Variants in TKT observed in about 807,000 individuals in gnomAD.
TKT encodes the protein epididymis luminal protein 107.
Under a neutral mutation model 63.9 loss-of-function variants are expected in TKT, and 47 were observed. The ratio of observed to expected loss-of-function variants is 0.74; its 90% CI spans 0.58 to 0.94. The LOEUF (loss-of-function observed/expected upper bound fraction) is 0.94, where lower values mean the gene tolerates loss of function less well. TKT is among the 40% of genes least tolerant of loss of function. The pLI, the probability that TKT is intolerant of heterozygous loss-of-function variation, is 0.00. For missense variants in TKT, 721 were observed against 846.2 expected (o/e 0.85, Z 1.84); for synonymous variants, 338 against 334.1 (o/e 1.01, Z -0.13).
intron 2 of TKT, 94 bp from the exon 3 acceptor site, chr3:53,241,339 G>T: frequency 9.5e-7 from 1 of 1,053,150 alleles, no homozygotes; most frequent in Non-Finnish European, 1.3e-6. Flanking sequence ...GCCCGGCCGA[G>T]CCGGCCAACT....
Position 53,242,199 on chromosome 3 carries a change from G to A in TKT, c.151C>T (p.Leu51Phe). Residue 51 changes from leucine to phenylalanine, a missense_variant, in exon 2 of 14, where the codon CTC becomes TTC. Physicochemically the swap from Leu to Phe is conservative, Grantham distance 22 (BLOSUM62 0). Coordinates refer to ENST00000462138, the MANE Select transcript of TKT (RefSeq NM_001064.4). ...CCSAAEIMAV[L>F]FFHTMRYKSQ... ...TTGTAGCGCATGGTGTGGAAAAAGA[G>A]GACAGCCATGATCTCTGCGGCGCTG... is the stretch of plus-strand genomic sequence containing the variant. 6.2e-7 allele frequency: 1 copy of A among 1,614,162 alleles called. No homozygotes were observed. The highest frequency in any genetic ancestry group is 1.1e-5 in the South Asian group (1 of 91,090).
intron 6 of TKT, 120 bp from the exon 7 acceptor site, chr3:53,231,670 C>T (rs1442125538): frequency 1.2e-5 from 13 of 1,101,906 alleles, no homozygotes; most frequent in Admixed American, 2.7e-5. Flanking sequence ...ATGGCATCAT[C>T]CCAGACAGGC....
rs1045360344 is a variant in TKT at position 53,229,355 on chromosome 3, A to G, written c.1189T>C (p.Phe397Leu). The G allele has an allele frequency of 6.2e-7, 1 of 1,613,846 alleles. No individual in the cohort carries two copies. The stretch of plus-strand genomic sequence containing the variant: ...ATGGCGGCCATGCGAATCTGGTCAA[A>G]GGCCCGCGTGAAGAAGGCTGCAAAA... The part of the protein sequence containing the change: ...STFAAFFTRA[F>L]DQIRMAAISE... Residue 397 changes from phenylalanine (F) to leucine (L), a missense_variant, in exon 9 of 14, where the codon TTT (phenylalanine) becomes CTT (leucine). Physicochemically the swap from Phe to Leu is conservative, Grantham distance 22. Coordinates refer to ENST00000462138, the MANE Select transcript of TKT (RefSeq NM_001064.4).
intron 8 of TKT, among the ~76,000 whole-genome samples, 172 bp from the exon 9 acceptor site, chr3:53,229,608 C>A (rs1186322932): frequency 6.6e-6 from 1 of 152,142 alleles, no homozygotes; most frequent in Middle Eastern, 3.2e-3. Flanking sequence ...CCTCCCAACC[C>A]CTCCCTGGGG....
intron 1 of TKT, among the ~76,000 whole-genome samples, chr3:53,247,739 C>T (rs1705581329): frequency 6.6e-6 from 1 of 152,020 alleles, no homozygotes; most frequent in Non-Finnish European, 1.5e-5. Context: ...CTGAACTACC[C>T]GAGCTGGCTT....
chr3:53,241,993 G>A (rs2106705310), intron 2 of TKT, 132 bp downstream of exon 2: 2 of 794,804 alleles, frequency 2.5e-6, no homozygotes, highest in Non-Finnish European at 4.3e-6. Flanking sequence ...GAGAGGCCAG[G>A]ACGAGCAGGG....
chr3:53,235,481 T>G (rs2106686366), intron 4 of TKT: 1 of 231,476 alleles, frequency 4.3e-6, no homozygotes, highest in South Asian at 1.2e-4. Context: ...AAATGGGGGT[T>G]GTTGGAATGA....
chr3:53,230,238 C>T (rs1180386425), intron 8 of TKT, among the ~76,000 whole-genome samples: 1 of 152,252 alleles, frequency 6.6e-6, no homozygotes, highest in African/African-American at 2.4e-5. Flanking sequence ...ATTCGGCTCC[C>T]CCATGTGCAC....
intron 12 of TKT, chr3:53,227,448 C>T (rs1704548397): frequency 6.3e-6 from 1 of 159,864 alleles, no homozygotes; most frequent in Non-Finnish European, 1.4e-5. Flanking sequence ...CTTCACTCTC[C>T]TCTCTGCTAA....
intron 1 of TKT, among the ~76,000 whole-genome samples, chr3:53,252,888 A>G (rs1255932047): frequency 1.3e-5 from 2 of 151,462 alleles, no homozygotes; most frequent in Non-Finnish European, 2.9e-5. Context: ...TGCCCAGGCC[A>G]GAGTGCAATG....
At chr3:53,226,245 A>G (rs782204277) in intron 13 of TKT, 1 of 295,896 alleles carries the variant, frequency 3.4e-6, no homozygotes, top group Non-Finnish European at 6.3e-6. Context: ...AAGCCCAAAT[A>G]TGGCCTCTAA....
intron 1 of TKT, chr3:53,243,713 T>C: frequency 2.3e-6 from 1 of 444,250 alleles, no homozygotes; most frequent in Non-Finnish European, 4.5e-6. Context: ...CAGCTTCAAC[T>C]GGAGGCCACC....
At chr3:53,230,127 G>A (rs961204648) in intron 8 of TKT, among the ~76,000 whole-genome samples, 4 of 152,124 alleles carry the variant, frequency 2.6e-5, no homozygotes, top group Non-Finnish European at 5.9e-5. Flanking sequence ...AACCCATCAC[G>A]GCCCCACCTA....
chr3:53,229,457 G>T, intron 8 of TKT, 21 bp from the exon 9 acceptor site: 5 of 1,591,812 alleles, frequency 3.1e-6, no homozygotes, highest in Non-Finnish European at 4.3e-6. Flanking sequence ...GTGGGACAGG[G>T]TCAGCCCAAA....
chr3:53,246,851 CAAA>C (rs11305678), intron 1 of TKT, among the ~76,000 whole-genome samples: 9 of 133,676 alleles, frequency 6.7e-5, no homozygotes, highest in Admixed American at 7.4e-5. Context: ...AACTCCGTCT[CAAA>C]AAAAAAAAAA....
intron 5 of TKT, 127 bp downstream of exon 5, chr3:53,234,856 A>G (rs1553678105): frequency 6.3e-6 from 6 of 958,232 alleles, no homozygotes; most frequent in Non-Finnish European, 8.9e-6. Context: ...GTCAAATGCT[A>G]AAGAAAGGGA....
rs559148190 is a variant in TKT at position 53,248,430 on chromosome 3, A to T, written c.108-6188T>A. Among the ~76,000 whole-genome samples, 19 of 152,324 alleles carry T rather than the reference A, an allele frequency of 1.2e-4. No homozygotes were observed. The South Asian group carries it at 3.9e-3, about 32-fold the overall frequency. Reference sequence around the variant, plus strand: ...CAAGGCAGGAAGAGGACTTGAGCCCAGAATTTGAGACCAGGCTCAGCAACA... The same window carrying T: ...CAAGGCAGGAAGAGGACTTGAGCCCTGAATTTGAGACCAGGCTCAGCAACA... On this transcript the variant is annotated intron_variant, in intron 1 of 13. Transcript: ENST00000462138.
Position 53,226,767 on chromosome 3 carries a change from T to C in TKT, c.1685A>G (p.His562Arg), listed in dbSNP as rs1575557930. 6.2e-7 allele frequency: 1 copy of C among 1,614,172 alleles called. No individual in the cohort carries two copies. The highest frequency in any genetic ancestry group is 8.5e-7 in the Non-Finnish European group (1 of 1,180,022). The part of the protein sequence containing the change: ...TKGRILTVED[H>R]YYEGGIGEAV... ...CCAGGCCTCCTTACCTTCATAATAA[T>C]GGTCCTCCACGGTGAGGATCCTGCC... The change falls in exon 13 of 14, where the codon CAT becomes CGT. Residue 562 changes from histidine (H) to arginine (R), a missense_variant. His to Arg is a conservative substitution (Grantham distance 29, BLOSUM62 0). Transcript: ENST00000462138.
chr3:53,254,268 T>C (rs150316745), intron 1 of TKT, among the ~76,000 whole-genome samples: 1 of 152,244 alleles, frequency 6.6e-6, no homozygotes, highest in Non-Finnish European at 1.5e-5. Context: ...ATACAAGGCC[T>C]GCAGAGCTAC....
Sources: gnomAD v4.1 joint callset for allele counts (sites outside exome capture counted in the v4.1 genomes callset) on GRCh38, gnomAD v4.1.1 for gene constraint, MANE v1.5 for transcripts, NCBI Gene and HGNC (gene_info 2026-07-23, HGNC 2026-07-21) for gene names.